TEX26: variants seen among roughly 807,000 people sequenced by gnomAD.
The protein encoded by TEX26 is testis expressed 26.
A neutral mutation model predicts 35.3 loss-of-function variants in TEX26; 34 were observed. That is an observed-to-expected ratio of 0.96 (90% CI 0.73 to 1.28). The LOEUF is 1.28. Ranked by LOEUF, TEX26 falls within the 50% of genes most tolerant of loss-of-function variation. The pLI, the probability that TEX26 is intolerant of heterozygous loss-of-function variation, is 0.00. For synonymous variants in TEX26, 136 were observed against 111.8 expected, an observed-to-expected ratio of 1.22 and a Z score of -1.36; for missense variants, 371 against 330.1, an observed-to-expected ratio of 1.12 and a Z score of -0.96.
rs1328307611 is a variant in TEX26 at position 30,961,355 on chromosome 13, T to G, written c.469+4326T>G. 2.0e-5 allele frequency among the ~76,000 whole-genome samples: 3 copies of G among 152,338 alleles called. No individual in the cohort carries two copies. The East Asian group carries it at 5.8e-4, about 29-fold the overall frequency. ...GTATTCAAGCTTTCAGCCAAGCCTC[T>G]GTGTTCAGCCCTGAGCCTTGCTCCC... is the stretch of plus-strand genomic sequence containing the variant. On this transcript the variant is annotated intron_variant, in intron 4 of 6. Coordinates refer to ENST00000380473, the MANE Select transcript of TEX26 (RefSeq NM_152325.3).
Position 30,932,895 on chromosome 13 carries a change from G to C in TEX26, c.61+119G>C, listed in dbSNP as rs1034300542. ...GGTGTGGCATCGCTCTTAGGAGTAT[G>C]CTCAACTGAGGAAAAGACGGGGAGT... On this transcript the variant is annotated intron_variant, in intron 1 of 6. Transcript: ENST00000380473. 3 of 1,108,102 alleles carry C rather than the reference G, an allele frequency of 2.7e-6. No homozygotes were observed. The African/African-American group carries it at 4.7e-5, about 17-fold the overall frequency. The allele number at this position is 1,108,102 out of a possible 1,614,324, so 68.6% of individuals were successfully genotyped here.
At position 30,956,990 on chromosome 13, in the gene TEX26, A is replaced by G; in HGVS notation, c.430A>G (p.Ile144Val). 6.2e-7 allele frequency: 1 copy of G among 1,614,212 alleles called. No homozygotes were observed. Among genetic ancestry groups the G allele is most frequent in the Middle Eastern group, 1.6e-4 (1 of 6,062 alleles). ...EVNKALSNQF[I>V]SLTKRDFVDR... ...TAACAAGGCACTATCAAATCAGTTTATTTCCCTTACTAAGAGAGACTTTGT... is the reference window on the plus strand; with the variant it reads ...TAACAAGGCACTATCAAATCAGTTTGTTTCCCTTACTAAGAGAGACTTTGT... The change falls in exon 4 of 7, where the codon ATT becomes GTT. Residue 144 changes from isoleucine to valine, a missense_variant. Coordinates refer to ENST00000380473, the MANE Select transcript of TEX26 (RefSeq NM_152325.3).
intron 2 of TEX26, among the ~76,000 whole-genome samples, chr13:30,942,160 G>A (rs896363459): frequency 2.6e-5 from 4 of 151,974 alleles, no homozygotes; most frequent in Admixed American, 6.6e-5. Context: ...TCACCACATC[G>A]TTGCCAGCAT....
At chr13:30,941,881 A>G (rs1303225007) in intron 2 of TEX26, among the ~76,000 whole-genome samples, 3 of 152,146 alleles carry the variant, frequency 2.0e-5, no homozygotes, top group Non-Finnish European at 2.9e-5. Flanking sequence ...ATATATATAT[A>G]CACACCACTT....
At chr13:30,966,861 G>A (rs1954555975) in intron 5 of TEX26, among the ~76,000 whole-genome samples, 1 of 152,202 alleles carries the variant, frequency 6.6e-6, no homozygotes. Flanking sequence ...AGAGATCCTG[G>A]CATGAAATCA....
rs187543200 is a variant in TEX26 at position 30,945,962 on chromosome 13, A to T, written c.146+6184A>T. Among the ~76,000 whole-genome samples, 3 of 152,062 alleles carry T rather than the reference A, an allele frequency of 2.0e-5. No individual in the cohort carries two copies. The East Asian group carries it at 5.8e-4, about 29-fold the overall frequency. On this transcript the variant is annotated intron_variant, in intron 2 of 6. Coordinates refer to ENST00000380473, the MANE Select transcript of TEX26 (RefSeq NM_152325.3). ...AAGTCCTTTTTGTGATGAATCTCCC[A>T]GGAGTTCTTTGAGCTTCTTGTATTT...
intron 6 of TEX26, among the ~76,000 whole-genome samples, chr13:30,972,455 T>C (rs564935832): frequency 6.6e-6 from 1 of 152,332 alleles, no homozygotes; most frequent in South Asian, 2.1e-4. Flanking sequence ...ATTTTTTTCT[T>C]ATTTTAATAT....
At position 30,932,668 on chromosome 13, in the gene TEX26, C is replaced by G. The variant is rs777682638; in HGVS notation, c.-48C>G. 3.8e-6 allele frequency: 6 copies of G among 1,597,482 alleles called. No individual in the cohort carries two copies. Among genetic ancestry groups the G allele is most frequent in the Non-Finnish European group, 5.1e-6 (6 of 1,171,934 alleles). ...CAAAGCAGCCCGCGGCTCCCGCAAG[C>G]GCTGAGATAGCTGGAGCCAGGGCCC... On this transcript the variant is annotated 5_prime_UTR_variant, in exon 1 of 7. Transcript: ENST00000380473.
At chr13:30,966,437 T>TC (rs747924715) in intron 5 of TEX26, 39 bp downstream of exon 5, 1 of 767,698 alleles carries the variant, frequency 1.3e-6, no homozygotes, top group African/African-American at 2.7e-5. Flanking sequence ...TTTCTCTTTT[T>TC]TTTTTTTTTT....
intron 3 of TEX26, among the ~76,000 whole-genome samples, chr13:30,955,137 C>T (rs1202341049): frequency 1.3e-5 from 2 of 152,154 alleles, no homozygotes; most frequent in Non-Finnish European, 2.9e-5. Flanking sequence ...TTGGGCCACA[C>T]ATAAAATACA....
chr13:30,952,215 T>C (rs1953954351), intron 2 of TEX26, among the ~76,000 whole-genome samples: 1 of 152,034 alleles, frequency 6.6e-6, no homozygotes, highest in Non-Finnish European at 1.5e-5. Flanking sequence ...CTTTTGGAGC[T>C]GTGAGTGGAC....
intron 1 of TEX26, among the ~76,000 whole-genome samples, chr13:30,939,341 A>G (rs1953390577): frequency 6.6e-6 from 1 of 152,232 alleles, no homozygotes; most frequent in Non-Finnish European, 1.5e-5. Flanking sequence ...TACATCTAAT[A>G]TGATGCATGT....
chr13:30,974,702 T>C, intron 6 of TEX26, 144 bp from the exon 7 acceptor site: 1 of 693,306 alleles, frequency 1.4e-6, no homozygotes, highest in Non-Finnish European at 2.3e-6. Flanking sequence ...GTATTAGGTA[T>C]AATAGCCTGC....
intron 4 of TEX26, among the ~76,000 whole-genome samples, chr13:30,963,004 A>G (rs1355983337): frequency 1.4e-5 from 2 of 139,506 alleles, no homozygotes; most frequent in African/African-American, 3.1e-5. Flanking sequence ...TTTTTTTTGT[A>G]TTTTTAGTAG....
At chr13:30,961,146 T>C (rs1954324052) in intron 4 of TEX26, among the ~76,000 whole-genome samples, 1 of 152,218 alleles carries the variant, frequency 6.6e-6, no homozygotes, top group South Asian at 2.1e-4. Flanking sequence ...CTGGCTGGTG[T>C]GCAGACTTTC....
chr13:30,957,108 T>A, intron 4 of TEX26, 79 bp downstream of exon 4: 1 of 1,419,846 alleles, frequency 7.0e-7, no homozygotes, highest in Non-Finnish European at 9.6e-7. Context: ...CATGCGTGTG[T>A]TCTTCTCCTT....
In TEX26 at chr13:30,952,554, A is replaced by G. The variant is rs115685246; in HGVS notation, c.147-106A>G. ...ATTTCTGGCACCAACTCTTATGCCA[A>G]TCAATCTTTTTAAAAAATGTAATGA... is the stretch of plus-strand genomic sequence containing the variant. On this transcript the variant is annotated intron_variant, in intron 2 of 6. Transcript: ENST00000380473. The G allele has an allele frequency of 3.6e-4, 350 of 965,562 alleles. 1 individual carries two copies. In the African/African-American group the frequency reaches 5.4e-3, roughly 15 times the overall value. 59.8% of individuals were successfully genotyped at this position (965,562 alleles called of 1,614,324 possible). A position where few individuals can be genotyped will look rare whatever the true frequency, so the allele number is the denominator to read the frequency against.
At chr13:30,940,364 C>T (rs369917646) in intron 2 of TEX26, among the ~76,000 whole-genome samples, 25 of 109,272 alleles carry the variant, frequency 2.3e-4, no homozygotes, top group Middle Eastern at 9.6e-3. Flanking sequence ...GACAGAGTCT[C>T]GCTCTGTCGC....
chr13:30,954,922 A>ACTGT (rs2138264280), intron 3 of TEX26, among the ~76,000 whole-genome samples: 1 of 152,314 alleles, frequency 6.6e-6, no homozygotes, highest in Non-Finnish European at 1.5e-5. Context: ...AGTGTGGCTG[A>ACTGT]CTGTCCTGCG....
Sources: allele counts gnomAD v4.1 joint callset (sites outside exome capture counted in the v4.1 genomes callset), GRCh38; gene constraint gnomAD v4.1.1; transcripts MANE v1.5; gene names NCBI Gene and HGNC (gene_info 2026-07-23, HGNC 2026-07-21).